FBXO36: variants seen among roughly 807,000 people sequenced by gnomAD.
The protein encoded by FBXO36 is F-box protein 36.
Under a neutral mutation model 17.0 loss-of-function variants are expected in FBXO36, and 18 were observed. The ratio of observed to expected loss-of-function variants is 1.06; its 90% CI spans 0.73 to 1.57. FBXO36 has a LOEUF of 1.57. Ranked by LOEUF, FBXO36 falls within the 40% of genes most tolerant of loss-of-function variation. The probability of loss-of-function intolerance (pLI) is 0.00; values close to 1 mark genes in which losing one functional copy is unlikely to be tolerated. For missense variants in FBXO36, 229 were observed against 221.9 expected (o/e 1.03, Z -0.20); for synonymous variants, 83 against 85.3 (o/e 0.97, Z 0.15).
intron 3 of FBXO36, among the ~76,000 whole-genome samples, chr2:229,998,784 T>C (rs2077341168): frequency 6.6e-6 from 1 of 151,428 alleles, no homozygotes; most frequent in South Asian, 2.1e-4. Flanking sequence ...AACAAAACCC[T>C]GTCTCAAAAA....
intron 1 of FBXO36, among the ~76,000 whole-genome samples, chr2:229,939,887 G>T (rs568741747): frequency 6.0e-4 from 91 of 152,268 alleles, no homozygotes; most frequent in South Asian, 1.7e-3. Context: ...TTTGAGACCA[G>T]CCTGATCAAC....
Position 229,965,747 on chromosome 2 carries a change from G to A in FBXO36, c.97-10494G>A, listed in dbSNP as rs186319647. The stretch of plus-strand genomic sequence containing the variant: ...GCATAGTATTCTACGGTGTATATGT[G>A]CCACATTTTCTTAATCCACTCTATC... On this transcript the variant is annotated intron_variant, in intron 1 of 3. Coordinates refer to ENST00000283946, the MANE Select transcript of FBXO36 (RefSeq NM_174899.5). Among the ~76,000 whole-genome samples, 1,146 of 152,200 alleles carry A rather than the reference G, an allele frequency of 7.5e-3. 10 individuals are homozygous for A. The highest frequency in any genetic ancestry group is 0.011 in the Non-Finnish European group (748 of 68,006).
At chr2:229,955,994 A>G (rs1377227075) in intron 1 of FBXO36, among the ~76,000 whole-genome samples, 1 of 152,168 alleles carries the variant, frequency 6.6e-6, no homozygotes, top group Non-Finnish European at 1.5e-5. Flanking sequence ...TCCCAGCACC[A>G]CAATCCTAAT....
At position 229,931,918 on chromosome 2, in the gene FBXO36, A is replaced by ATTTTTTT. The variant is rs11441584; in HGVS notation, c.96+9310_96+9311insTTTTTTT. ...TGGTTTTTTGCTTGTATATGTGTAT[A>ATTTTTTT]TATTTTTTTTTTTTTTTAGACAGGG... is the stretch of plus-strand genomic sequence containing the variant. On this transcript the variant is annotated intron_variant, in intron 1 of 3. Transcript: ENST00000283946. Among the ~76,000 whole-genome samples the ATTTTTTT allele has an allele frequency of 2.8e-5, 4 of 142,770 alleles. 2 individuals carry two copies. Among genetic ancestry groups the ATTTTTTT allele is most frequent in the Non-Finnish European group, 3.0e-5 (2 of 65,680 alleles). 93.7% of individuals were successfully genotyped at this position (142,770 alleles called of 152,430 possible).
intron 2 of FBXO36, among the ~76,000 whole-genome samples, chr2:229,982,896 C>T (rs987941284): frequency 6.6e-6 from 1 of 151,826 alleles, no homozygotes; most frequent in African/African-American, 2.4e-5. Context: ...TCTTTGGGGA[C>T]GGGCATTATT....
At chr2:229,950,646 C>T (rs1408520657) in intron 1 of FBXO36, among the ~76,000 whole-genome samples, 1 of 152,108 alleles carries the variant, frequency 6.6e-6, no homozygotes, top group African/African-American at 2.4e-5. Context: ...GGAATGAGAG[C>T]TCCCACTGAG....
At chr2:229,957,823 A>G (rs190640109) in intron 1 of FBXO36, among the ~76,000 whole-genome samples, 21 of 152,288 alleles carry the variant, frequency 1.4e-4, no homozygotes, top group African/African-American at 5.1e-4. Context: ...CCGCCAGGAG[A>G]TTAGACACTA....
chr2:230,003,204 C>T (rs1166671276), intron 3 of FBXO36, among the ~76,000 whole-genome samples: 6 of 123,374 alleles, frequency 4.9e-5, no homozygotes, highest in Non-Finnish European at 6.8e-5. Flanking sequence ...AGCAAGACTC[C>T]GTCTTAAAAA....
intron 3 of FBXO36, among the ~76,000 whole-genome samples, chr2:230,008,631 C>A: frequency 6.6e-6 from 1 of 152,156 alleles, no homozygotes; most frequent in East Asian, 1.9e-4. Flanking sequence ...GTAGTTTCCA[C>A]CCATAATCTC....
At chr2:229,959,547 A>G (rs1276694603) in intron 1 of FBXO36, among the ~76,000 whole-genome samples, 1 of 152,178 alleles carries the variant, frequency 6.6e-6, no homozygotes, top group Non-Finnish European at 1.5e-5. Context: ...TTTTCTATAA[A>G]GAATATTGCC....
intron 1 of FBXO36, among the ~76,000 whole-genome samples, chr2:229,960,912 C>G (rs2077117299): frequency 6.6e-6 from 1 of 152,082 alleles, no homozygotes; most frequent in Non-Finnish European, 1.5e-5. Context: ...AGTTCGAGAC[C>G]AGCCTGGCCA....
At chr2:229,973,499 G>C (rs2077191678) in intron 1 of FBXO36, 1 of 151,986 alleles carries the variant, frequency 6.6e-6, no homozygotes, top group African/African-American at 2.4e-5. Context: ...GAAGCAGGCG[G>C]ATCATGAGGT....
intron 1 of FBXO36, among the ~76,000 whole-genome samples, chr2:229,971,449 T>TTTCCC (rs1193236804): frequency 6.6e-6 from 1 of 151,900 alleles, no homozygotes; most frequent in Non-Finnish European, 1.5e-5. Flanking sequence ...GGCTAAAACT[T>TTTCCC]TATCACATGC....
chr2:229,958,305 C>G (rs1047896472), intron 1 of FBXO36, among the ~76,000 whole-genome samples: 5 of 118,450 alleles, frequency 4.2e-5, no homozygotes, highest in Non-Finnish European at 4.8e-5. Context: ...CTCACTCACT[C>G]TGTCATCCAG....
At chr2:229,992,391 CA>C (rs1441861209) in intron 2 of FBXO36, among the ~76,000 whole-genome samples, 1 of 152,112 alleles carries the variant, frequency 6.6e-6, no homozygotes, top group East Asian at 1.9e-4. Context: ...CTCCTGACCC[CA>C]AGTGATCTGC....
chr2:229,962,531 TTA>T (rs1302528742), intron 1 of FBXO36, among the ~76,000 whole-genome samples: 1 of 150,074 alleles, frequency 6.7e-6, no homozygotes, highest in East Asian at 1.9e-4. Flanking sequence ...TTATTTTATT[TTA>T]TTTTATTTTA....
chr2:229,977,881 C>T (rs774996054), intron 2 of FBXO36, among the ~76,000 whole-genome samples: 1 of 152,186 alleles, frequency 6.6e-6, no homozygotes, highest in African/African-American at 2.4e-5. Context: ...TTGTTAATGT[C>T]GTTTAATCTT....
chr2:229,968,184 T>G (rs1370656320), intron 1 of FBXO36, among the ~76,000 whole-genome samples: 1 of 151,042 alleles, frequency 6.6e-6, no homozygotes, highest in Non-Finnish European at 1.5e-5. Flanking sequence ...ATTATTTATA[T>G]TTAATTAGTA....
intron 1 of FBXO36, among the ~76,000 whole-genome samples, chr2:229,939,597 C>T (rs754141759): frequency 2.6e-5 from 4 of 151,660 alleles, no homozygotes; most frequent in Admixed American, 6.6e-5. Flanking sequence ...GGTGACAGAG[C>T]GCGATTCTGC....
Sources: allele counts gnomAD v4.1 joint callset (sites outside exome capture counted in the v4.1 genomes callset), GRCh38; gene constraint gnomAD v4.1.1; transcripts MANE v1.5; gene names NCBI Gene and HGNC (gene_info 2026-07-23, HGNC 2026-07-21).